The following MGLL variants were observed in gnomAD, a reference collection of about 807,000 sequenced individuals.
MGLL encodes monoglyceride lipase, also known as lysophospholipase homolog.
MGLL carries 7 observed loss-of-function variants against 29.1 expected under a neutral mutation model. The ratio of observed to expected loss-of-function variants is 0.24; its 90% CI spans 0.14 to 0.45. The LOEUF (loss-of-function observed/expected upper bound fraction) is 0.45, where lower values mean the gene tolerates loss of function less well. Ranked by LOEUF, MGLL falls within the 20% of genes least tolerant of loss-of-function variation. MGLL has a pLI of 0.99. For synonymous variants in MGLL, 148 were observed against 168.3 expected, an observed-to-expected ratio of 0.88 and a Z score of 0.93; for missense variants, 356 against 413.6, an observed-to-expected ratio of 0.86 and a Z score of 1.21.
intron 5 of MGLL, chr3:127,715,359 G>A (rs1482063621): frequency 3.4e-6 from 1 of 295,072 alleles, no homozygotes; most frequent in Non-Finnish European, 6.7e-6. Context: ...AACCTGCATA[G>A]TAAGTTCCAA....
chr3:127,771,024 T>G (rs987206222), intron 3 of MGLL, among the ~76,000 whole-genome samples: 1 of 152,244 alleles, frequency 6.6e-6, no homozygotes, highest in African/African-American at 2.4e-5. Context: ...GTCACAAGAC[T>G]GAATGATTTA....
intron 3 of MGLL, among the ~76,000 whole-genome samples, chr3:127,752,394 C>T (rs1481077264): frequency 3.3e-5 from 5 of 152,222 alleles, no homozygotes; most frequent in Non-Finnish European, 7.3e-5. Flanking sequence ...CCATCACGCC[C>T]GGCCGTCATT....
At chr3:127,703,494 C>G (rs947548758) in intron 6 of MGLL, among the ~76,000 whole-genome samples, 2 of 152,168 alleles carry the variant, frequency 1.3e-5, no homozygotes, top group Non-Finnish European at 2.9e-5. Flanking sequence ...GGCATGGGGT[C>G]CTGTGTGAAA....
rs184021259 is a variant in MGLL, at chr3:127,769,462, G to A, written c.262+12327C>T. On this transcript the variant is annotated intron_variant, in intron 3 of 7. Transcript: ENST00000265052. The stretch of plus-strand genomic sequence containing the variant: ...TTCAACTAACCTGCATCACCTAGAC[G>A]CTGCCCTCACTTAGTGCCATAGTCC... Among the ~76,000 whole-genome samples, 476 of 152,232 alleles carry A rather than the reference G, an allele frequency of 3.1e-3. 1 individual carries two copies. Among genetic ancestry groups the A allele is most frequent in the African/African-American group, 6.1e-3 (253 of 41,528 alleles).
intron 3 of MGLL, among the ~76,000 whole-genome samples, chr3:127,755,402 C>T (rs1279655512): frequency 1.3e-5 from 2 of 152,240 alleles, no homozygotes; most frequent in Admixed American, 6.5e-5. Flanking sequence ...AGCTCCTTCC[C>T]TTACCCAGCA....
Position 127,790,899 on chromosome 3 carries a change from TC to T in MGLL, c.156-9005del, listed in dbSNP as rs572738235. Among the ~76,000 whole-genome samples, 310 of 152,076 alleles carry T rather than the reference TC, an allele frequency of 2.0e-3. 5 individuals carry two copies. The highest frequency in any genetic ancestry group is 3.4e-3 in the Middle Eastern group (1 of 294). On this transcript the variant is annotated intron_variant, in intron 2 of 7. Coordinates refer to ENST00000265052, the MANE Select transcript of MGLL (RefSeq NM_007283.7). Reference sequence around the variant, plus strand: ...GCTCACACTGACAGATCCCACGAGTTCCCCCGTGGGCTGGTGTGTGAACTTG... The same window carrying T: ...GCTCACACTGACAGATCCCACGAGTTCCCCGTGGGCTGGTGTGTGAACTTG...
intron 3 of MGLL, among the ~76,000 whole-genome samples, chr3:127,745,554 G>A (rs1362157899): frequency 6.6e-6 from 1 of 152,156 alleles, no homozygotes; most frequent in Non-Finnish European, 1.5e-5. Flanking sequence ...GAAGGATGGG[G>A]GATGGGGGAT....
chr3:127,734,429 C>A (rs754036905), intron 3 of MGLL, among the ~76,000 whole-genome samples: 1 of 152,130 alleles, frequency 6.6e-6, no homozygotes, highest in Non-Finnish European at 1.5e-5. Context: ...TGCGCCCGTG[C>A]CTTCATTTAC....
chr3:127,749,370 T>C (rs1473040166), intron 3 of MGLL, among the ~76,000 whole-genome samples: 2 of 152,338 alleles, frequency 1.3e-5, no homozygotes, highest in South Asian at 2.1e-4. Context: ...ACAAACACCA[T>C]TTTCTGATTG....
chr3:127,760,545 C>T (rs1430448295), intron 3 of MGLL, among the ~76,000 whole-genome samples: 1 of 152,208 alleles, frequency 6.6e-6, no homozygotes, highest in Non-Finnish European at 1.5e-5. Flanking sequence ...TGGCAGGAGG[C>T]GAGGTGAGGA....
intron 3 of MGLL, among the ~76,000 whole-genome samples, chr3:127,751,759 A>G (rs1459452468): frequency 6.6e-6 from 1 of 152,172 alleles, no homozygotes; most frequent in Non-Finnish European, 1.5e-5. Context: ...ACCCCAAAAA[A>G]TAAAATAAAA....
chr3:127,807,437 C>A (rs1267207675), intron 2 of MGLL, among the ~76,000 whole-genome samples: 1 of 151,810 alleles, frequency 6.6e-6, no homozygotes, highest in East Asian at 1.9e-4. Flanking sequence ...GATTTATTTC[C>A]TCTATTGTTT....
At chr3:127,821,317 T>A (rs1377994152) in intron 2 of MGLL, among the ~76,000 whole-genome samples, 1 of 152,180 alleles carries the variant, frequency 6.6e-6, no homozygotes, top group African/African-American at 2.4e-5. Context: ...GGTGAAGATA[T>A]ATGTATTACT....
At chr3:127,726,424 G>T (rs1191974717) in intron 3 of MGLL, among the ~76,000 whole-genome samples, 3 of 151,970 alleles carry the variant, frequency 2.0e-5, no homozygotes, top group East Asian at 1.9e-4. Context: ...GGATCTAAAG[G>T]TTTTTTATTT....
intron 2 of MGLL, among the ~76,000 whole-genome samples, chr3:127,800,922 G>A (rs930314811): frequency 6.6e-6 from 1 of 151,910 alleles, no homozygotes; most frequent in African/African-American, 2.4e-5. Flanking sequence ...CGGGTACCAG[G>A]CCAGCTTCAG....
In MGLL at chr3:127,696,477, G is replaced by A. The variant is rs533371192; in HGVS notation, c.601-1287C>T. Reference sequence around the variant, plus strand: ...CACCCAGGCTGGAGTGCAGTGATACGATCTTGGCTCGCTGCAGCCTCTGCC... The same window carrying A: ...CACCCAGGCTGGAGTGCAGTGATACAATCTTGGCTCGCTGCAGCCTCTGCC... On this transcript the variant is annotated intron_variant, in intron 6 of 7. Transcript: ENST00000265052. 2.4e-4 allele frequency among the ~76,000 whole-genome samples: 30 copies of A among 125,188 alleles called. No homozygotes were observed. In the South Asian group the frequency reaches 7.7e-3, roughly 32 times the overall value. The allele number at this position is 125,188 out of a possible 152,430, so 82.1% of individuals were successfully genotyped here.
intron 3 of MGLL, among the ~76,000 whole-genome samples, chr3:127,744,032 T>C (rs2076395445): frequency 6.6e-6 from 1 of 152,126 alleles, no homozygotes; most frequent in South Asian, 2.1e-4. Context: ...AAGGCAGAAA[T>C]TAATTTCTTT....
At chr3:127,710,721 C>A in intron 5 of MGLL, 56 bp from the exon 6 acceptor site, 5 of 1,412,630 alleles carry the variant, frequency 3.5e-6, no homozygotes, top group African/African-American at 1.4e-5. Flanking sequence ...ACACCCGGCT[C>A]TTCCGCAGTG....
At chr3:127,749,055 C>T (rs1003767915) in intron 3 of MGLL, among the ~76,000 whole-genome samples, 1 of 152,172 alleles carries the variant, frequency 6.6e-6, no homozygotes, top group African/African-American at 2.4e-5. Flanking sequence ...GTCTACAACC[C>T]TGATCACTCT....
Sources: allele counts gnomAD v4.1 joint callset (sites outside exome capture counted in the v4.1 genomes callset), GRCh38; gene constraint gnomAD v4.1.1; transcripts MANE v1.5; gene names NCBI Gene and HGNC (gene_info 2026-07-23, HGNC 2026-07-21).